PHYHIP: variants seen among roughly 807,000 people sequenced by gnomAD.
The protein encoded by PHYHIP is phytanoyl-CoA 2-hydroxylase interacting protein.
A neutral mutation model predicts 26.1 loss-of-function variants in PHYHIP; 7 were observed. The ratio of observed to expected loss-of-function variants is 0.27; its 90% CI spans 0.15 to 0.50. The LOEUF is 0.50. Ranked by LOEUF, PHYHIP falls within the 20% of genes least tolerant of loss-of-function variation. The pLI, the probability that PHYHIP is intolerant of heterozygous loss-of-function variation, is 0.98. For missense variants in PHYHIP, 232 were observed against 454.7 expected, an observed-to-expected ratio of 0.51 and a Z score of 4.45; for synonymous variants, 206 against 183.4, an observed-to-expected ratio of 1.12 and a Z score of -1.00.
At chr8:22,228,093 C>A in intron 2 of PHYHIP, 100 bp downstream of exon 2, 1 of 984,670 alleles carries the variant, frequency 1.0e-6, no homozygotes, top group Non-Finnish European at 1.6e-6. Flanking sequence ...TGGATTTTAA[C>A]CAGCCTCTGA....
Position 22,230,666 on chromosome 8 carries a change from G to T in PHYHIP, c.-30+1130C>A, listed in dbSNP as rs78098440. 3.2e-3 allele frequency among the ~76,000 whole-genome samples: 487 copies of T among 151,372 alleles called. 4 individuals carry two copies. The highest frequency in any genetic ancestry group is 0.01 in the African/African-American group (428 of 41,168). On this transcript the variant is annotated intron_variant, in intron 1 of 4. Transcript: ENST00000454243. Reference sequence around the variant, plus strand: ...GGCACGCACGCGCATACACACATGCGCCAAGAGTGCCCACCCACCCGCGTC... The same window carrying T: ...GGCACGCACGCGCATACACACATGCTCCAAGAGTGCCCACCCACCCGCGTC...
chr8:22,226,038 G>A (rs1454648661), intron 3 of PHYHIP, among the ~76,000 whole-genome samples: 1 of 152,132 alleles, frequency 6.6e-6, no homozygotes, highest in Non-Finnish European at 1.5e-5. Flanking sequence ...CCTGAGTCGT[G>A]AGGGACCAAG....
chr8:22,221,950 G>T lies in PHYHIP; in HGVS notation c.459-63C>A. ...GATGTGGCTGGTGAGCCGGGCTGAG[G>T]CTTGGCTGCTGCGTGTGGTCGAGGA... is the stretch of plus-strand genomic sequence containing the variant. On this transcript the variant is annotated intron_variant, in intron 4 of 4. Coordinates refer to ENST00000454243, the MANE Select transcript of PHYHIP (RefSeq NM_014759.5). The surrounding 1 kb of genome is among the most constrained non-coding windows in gnomAD (Gnocchi z 7.9). The T allele has an allele frequency of 7.2e-7, 1 of 1,387,734 alleles. No homozygotes were observed. Among genetic ancestry groups the T allele is most frequent in the Non-Finnish European group, 9.6e-7 (1 of 1,045,824 alleles). The allele number at this position is 1,387,734 out of a possible 1,614,324, so 86.0% of individuals were successfully genotyped here. A position where few individuals can be genotyped will look rare whatever the true frequency, so the allele number is the denominator to read the frequency against.
Position 22,221,166 on chromosome 8 carries a change from G to A in PHYHIP, c.*187C>T, listed in dbSNP as rs974934905. On this transcript the variant is annotated 3_prime_UTR_variant, in exon 5 of 5. Coordinates refer to ENST00000454243, the MANE Select transcript of PHYHIP (RefSeq NM_014759.5). This position sits in a 1 kb window ranked among gnomAD's most constrained non-coding sequence, Gnocchi z 7.9. ...AAGCCTTTCCATGTCCACCAGGCTG[G>A]GTGTGGGCCACACTTACCAAGAGGA... 16 of 555,818 alleles carry A rather than the reference G, an allele frequency of 2.9e-5. No homozygotes were observed. The highest frequency in any genetic ancestry group is 9.3e-5 in the Admixed American group (3 of 32,128). 34.4% of individuals were successfully genotyped at this position (555,818 alleles called of 1,614,324 possible).
At chr8:22,225,785 C>T (rs2131926636) in intron 3 of PHYHIP, among the ~76,000 whole-genome samples, 1 of 143,374 alleles carries the variant, frequency 7.0e-6, no homozygotes, top group Admixed American at 7.2e-5. Flanking sequence ...AGCCAGGAGG[C>T]GACAAGAGCG....
At chr8:22,230,913 A>G (rs1829853986) in intron 1 of PHYHIP, among the ~76,000 whole-genome samples, 1 of 152,108 alleles carries the variant, frequency 6.6e-6, no homozygotes, top group Non-Finnish European at 1.5e-5. Context: ...ACAGGCACCA[A>G]CATGCATGTG....
chr8:22,224,065 G>C, intron 4 of PHYHIP, 161 bp downstream of exon 4: 1 of 620,118 alleles, frequency 1.6e-6, no homozygotes, highest in Middle Eastern at 4.3e-4. Flanking sequence ...CAAAGTAGCA[G>C]TCTCTTCAGA....
intron 4 of PHYHIP, among the ~76,000 whole-genome samples, chr8:22,222,712 C>T (rs1379967994): frequency 6.6e-6 from 1 of 152,224 alleles, no homozygotes; most frequent in African/African-American, 2.4e-5. Context: ...GCCTGGCACC[C>T]ATGAGTGCTC....
Position 22,221,352 on chromosome 8 carries a change from C to T in PHYHIP, c.*1G>A. 6.4e-7 allele frequency: 1 copy of T among 1,571,748 alleles called. No homozygotes were observed. The highest frequency in any genetic ancestry group is 2.3e-5 in the East Asian group (1 of 44,346). On this transcript the variant is annotated 3_prime_UTR_variant, in exon 5 of 5. Transcript: ENST00000454243. The surrounding 1 kb of genome is among the most constrained non-coding windows in gnomAD (Gnocchi z 7.9). Reference sequence around the variant, plus strand: ...CTCGCCCCCCAGCTCCCCAGGAGTCCCTAGCGGCCCACGCTGATGTTGCAG... The same window carrying T: ...CTCGCCCCCCAGCTCCCCAGGAGTCTCTAGCGGCCCACGCTGATGTTGCAG...
At chr8:22,222,740 C>T (rs1019677224) in intron 4 of PHYHIP, among the ~76,000 whole-genome samples, 2 of 152,342 alleles carry the variant, frequency 1.3e-5, no homozygotes, top group Admixed American at 1.3e-4. Context: ...CTCCCACTCT[C>T]GCTGATAAAG....
Position 22,221,255 on chromosome 8 carries a change from C to T in PHYHIP, c.*98G>A. ...GGGCAGCTGGGCAGAGTGGAGGGAG[C>T]AGGGGGGCAGGAGAGAGAAAGCCAG... On this transcript the variant is annotated 3_prime_UTR_variant, in exon 5 of 5. Coordinates refer to ENST00000454243, the MANE Select transcript of PHYHIP (RefSeq NM_014759.5). This position sits in a 1 kb window ranked among gnomAD's most constrained non-coding sequence, Gnocchi z 7.9. 4 of 1,160,964 alleles carry T rather than the reference C, an allele frequency of 3.4e-6. No individual in the cohort carries two copies. The highest frequency in any genetic ancestry group is 4.8e-6 in the Non-Finnish European group (4 of 838,996). The allele number at this position is 1,160,964 out of a possible 1,614,324, so 71.9% of individuals were successfully genotyped here. A position where few individuals can be genotyped will look rare whatever the true frequency, so the allele number is the denominator to read the frequency against.
chr8:22,221,239 G>A lies in PHYHIP; in HGVS notation c.*114C>T, dbSNP rs1220591134. The A allele has an allele frequency of 2.5e-5, 26 of 1,032,628 alleles. 1 individual carries two copies. The East Asian group carries it at 4.4e-4, about 17-fold the overall frequency. The allele number at this position is 1,032,628 out of a possible 1,614,324, so 64.0% of individuals were successfully genotyped here. A position where few individuals can be genotyped will look rare whatever the true frequency, so the allele number is the denominator to read the frequency against. The stretch of plus-strand genomic sequence containing the variant: ...CCAAGGGGCGAGGGGAGGGCAGCTG[G>A]GCAGAGTGGAGGGAGCAGGGGGGCA... On this transcript the variant is annotated 3_prime_UTR_variant, in exon 5 of 5. Transcript: ENST00000454243. This position sits in a 1 kb window ranked among gnomAD's most constrained non-coding sequence, Gnocchi z 7.9.
Position 22,226,876 on chromosome 8 carries a change from G to A in PHYHIP, c.315C>T (p.Ser105=), listed in dbSNP as rs35778266. 3.8e-4 allele frequency: 613 copies of A among 1,613,812 alleles called. 5 individuals are homozygous for A. The African/African-American group carries it at 7.1e-3, about 19-fold the overall frequency. ...SDGEYLVSGW[S]ETVEFCTGDY... ...CCCCAGTGCAGAACTCCACCGTCTCGCTCCAGCCGGACACCAGGTACTCCC... is the reference window on the plus strand; with the variant it reads ...CCCCAGTGCAGAACTCCACCGTCTCACTCCAGCCGGACACCAGGTACTCCC... The change falls in exon 3 of 5, where the codon AGC becomes AGT. Residue 105 remains serine (S), a synonymous_variant. Transcript: ENST00000454243.
At chr8:22,230,642 G>A (rs1331476586) in intron 1 of PHYHIP, among the ~76,000 whole-genome samples, 3 of 151,402 alleles carry the variant, frequency 2.0e-5, no homozygotes, top group African/African-American at 7.3e-5. Context: ...ACACAGGCAG[G>A]CACGCACGCG....
chr8:22,223,822 C>CCAGAAGGTG, intron 4 of PHYHIP: 1 of 163,888 alleles, frequency 6.1e-6, no homozygotes, highest in Non-Finnish European at 1.3e-5. Flanking sequence ...AACCGACGAG[C>CCAGAAGGTG]TGGGTGCTTC....
intron 3 of PHYHIP, among the ~76,000 whole-genome samples, chr8:22,226,401 T>C (rs1829745376): frequency 6.6e-6 from 1 of 152,152 alleles, no homozygotes; most frequent in Non-Finnish European, 1.5e-5. Flanking sequence ...GGGGCGGTTA[T>C]TTAATGGGTA....
chr8:22,227,631 C>A (rs1238661004), intron 2 of PHYHIP: 3 of 456,320 alleles, frequency 6.6e-6, no homozygotes, highest in Non-Finnish European at 1.3e-5. Context: ...GGCTTTTAAC[C>A]CCAGGAAAGG....
chr8:22,228,145 TTCAGGAACAGAAGCTGGGGAGGGGCTC>T (rs1829789200), intron 2 of PHYHIP, 21 bp downstream of exon 2: 1 of 1,558,250 alleles, frequency 6.4e-7, no homozygotes, highest in Non-Finnish European at 8.8e-7. Context: ...TCCGGCCTCC[TTCAGGAACAGAAGCTGGGGAGGGGCTC>T]CCAGGACACC....
chr8:22,230,867 C>T lies in PHYHIP; in HGVS notation c.-30+929G>A, dbSNP rs538955918. On this transcript the variant is annotated intron_variant, in intron 1 of 4. Coordinates refer to ENST00000454243, the MANE Select transcript of PHYHIP (RefSeq NM_014759.5). ...CACGCACACACACGTCCACGCACAC[C>T]GCCTCACAAGCCATATGTGGGGAAA... Among the ~76,000 whole-genome samples the T allele has an allele frequency of 3.9e-5, 6 of 152,218 alleles. No homozygotes were observed. In the East Asian group the frequency reaches 5.8e-4, roughly 15 times the overall value.
Sources: gnomAD v4.1 joint callset for allele counts (sites outside exome capture counted in the v4.1 genomes callset) on GRCh38, gnomAD v4.1.1 for gene constraint, Gnocchi (gnomAD v3.1) non-coding constraint, MANE v1.5 for transcripts, NCBI Gene and HGNC (gene_info 2026-07-23, HGNC 2026-07-21) for gene names.